Variants in CTNNBL1 observed in about 807,000 individuals in gnomAD.
CTNNBL1 encodes the protein beta-catenin-like protein 1.
Under a neutral mutation model 72.7 loss-of-function variants are expected in CTNNBL1, and 31 were observed. That is an observed-to-expected ratio of 0.43 (90% CI 0.32 to 0.58). CTNNBL1 has a LOEUF of 0.58. Among genes scored for constraint, CTNNBL1 ranks in the 20% least tolerant of loss-of-function variants. CTNNBL1 has a pLI of 0.08. For synonymous variants in CTNNBL1, 240 were observed against 267.3 expected, an observed-to-expected ratio of 0.90 and a Z score of 1.00; for missense variants, 534 against 725.1, an observed-to-expected ratio of 0.74 and a Z score of 3.03.
At chr20:37,745,248 T>TA (rs1182273159) in intron 3 of CTNNBL1, among the ~76,000 whole-genome samples, 4 of 152,200 alleles carry the variant, frequency 2.6e-5, no homozygotes, top group Non-Finnish European at 5.9e-5. Flanking sequence ...GGAGAAGCTG[T>TA]ATCTACCCAG....
chr20:37,842,021 C>T (rs1018517266), intron 12 of CTNNBL1, among the ~76,000 whole-genome samples: 1 of 152,182 alleles, frequency 6.6e-6, no homozygotes, highest in Non-Finnish European at 1.5e-5. Flanking sequence ...CAAGAAGGGA[C>T]TTGAATTTTT....
At chr20:37,867,914 C>A (rs1331908370) in intron 15 of CTNNBL1, among the ~76,000 whole-genome samples, 2 of 152,150 alleles carry the variant, frequency 1.3e-5, no homozygotes, top group African/African-American at 4.8e-5. Flanking sequence ...GGTGCAGCTT[C>A]CCCGGGCAGT....
At chr20:37,696,274 T>C (rs1391939290) in intron 1 of CTNNBL1, among the ~76,000 whole-genome samples, 1 of 152,142 alleles carries the variant, frequency 6.6e-6, no homozygotes, top group East Asian at 1.9e-4. Context: ...GAAGGGAATA[T>C]AGCAGAGTAT....
At chr20:37,712,960 G>A (rs111753378) in intron 1 of CTNNBL1, among the ~76,000 whole-genome samples, 131 of 152,254 alleles carry the variant, frequency 8.6e-4, no homozygotes, top group Middle Eastern at 3.4e-3. Flanking sequence ...AAGCACCACC[G>A]GACCTGGGCA....
intron 1 of CTNNBL1, among the ~76,000 whole-genome samples, chr20:37,694,633 T>C (rs754633244): frequency 4.6e-5 from 7 of 152,174 alleles, no homozygotes; most frequent in African/African-American, 7.2e-5. Flanking sequence ...ACTGCCTTAG[T>C]AGGGTTGTTT....
At chr20:37,814,381 G>A (rs533268099) in intron 11 of CTNNBL1, among the ~76,000 whole-genome samples, 1 of 152,140 alleles carries the variant, frequency 6.6e-6, no homozygotes, top group South Asian at 2.1e-4. Flanking sequence ...TGTGCCTCTT[G>A]TTGGCCTTCA....
intron 10 of CTNNBL1, among the ~76,000 whole-genome samples, chr20:37,786,514 C>G (rs560982819): frequency 6.6e-6 from 1 of 151,996 alleles, no homozygotes; most frequent in South Asian, 2.1e-4. Context: ...AGAACCAACT[C>G]TTGGTTTTGA....
chr20:37,733,073 G>A lies in CTNNBL1; in HGVS notation c.219+6G>A, dbSNP rs1285249076. 9 of 1,610,974 alleles carry A rather than the reference G, an allele frequency of 5.6e-6. No homozygotes were observed. The highest frequency in any genetic ancestry group is 2.2e-5 in the East Asian group (1 of 44,868). On this transcript the variant is annotated splice_donor_region_variant and intron_variant, in intron 2 of 15. Transcript: ENST00000361383. ...GGGAAGAGGAAGAGGAAGAGGTAAC[G>A]TGGCAGCGCTGGGTGGGAGCTGAGA...
intron 7 of CTNNBL1, among the ~76,000 whole-genome samples, chr20:37,777,054 G>A (rs2073579956): frequency 6.6e-6 from 1 of 152,022 alleles, no homozygotes; most frequent in East Asian, 1.9e-4. Context: ...GGGTACTATG[G>A]GCTAGACATA....
At chr20:37,777,620 ATT>A in intron 8 of CTNNBL1, 32 bp from the exon 9 acceptor site, 1 of 1,602,754 alleles carries the variant, frequency 6.2e-7, no homozygotes, top group Non-Finnish European at 8.5e-7. Flanking sequence ...AGTTAGGTTC[ATT>A]TTTTTTCTTC....
At chr20:37,798,789 C>T (rs760361229) in intron 10 of CTNNBL1, among the ~76,000 whole-genome samples, 5 of 152,128 alleles carry the variant, frequency 3.3e-5, no homozygotes, top group African/African-American at 7.2e-5. Flanking sequence ...ATGGTTTGAG[C>T]GTATGCTGAA....
At chr20:37,831,986 C>T (rs2072214067) in intron 11 of CTNNBL1, among the ~76,000 whole-genome samples, 1 of 152,232 alleles carries the variant, frequency 6.6e-6, no homozygotes, top group Non-Finnish European at 1.5e-5. Flanking sequence ...ACCATCTCTA[C>T]TTAGATGTGC....
chr20:37,802,812 TA>T (rs1192240219), intron 10 of CTNNBL1, 54 bp from the exon 11 acceptor site: 1 of 1,399,424 alleles, frequency 7.1e-7, no homozygotes, highest in Non-Finnish European at 9.9e-7. Context: ...TTTTTTTTTT[TA>T]AGCTCTATAA....
chr20:37,695,450 T>A (rs1424098945), intron 1 of CTNNBL1, among the ~76,000 whole-genome samples: 1 of 152,168 alleles, frequency 6.6e-6, no homozygotes, highest in East Asian at 1.9e-4. Flanking sequence ...CCACTTGGCC[T>A]CCCAAAGTGC....
At chr20:37,787,343 GTTTT>G (rs11482375) in intron 10 of CTNNBL1, among the ~76,000 whole-genome samples, 1 of 107,212 alleles carries the variant, frequency 9.3e-6, no homozygotes. Context: ...ATAACTGTGT[GTTTT>G]TTTTTTTTTT....
intron 1 of CTNNBL1, among the ~76,000 whole-genome samples, chr20:37,732,276 A>G (rs1419633888): frequency 6.6e-6 from 1 of 152,250 alleles, no homozygotes; most frequent in Non-Finnish European, 1.5e-5. Flanking sequence ...TCTGTAAAAT[A>G]GAATTGGGAG....
chr20:37,771,698 ATTT>A (rs571985474), intron 7 of CTNNBL1, among the ~76,000 whole-genome samples: 124 of 152,020 alleles, frequency 8.2e-4, no homozygotes, highest in Middle Eastern at 3.4e-3. Context: ...GTATTTCTAA[ATTT>A]TACACACCCT....
At chr20:37,791,001 G>A (rs942534291) in intron 10 of CTNNBL1, among the ~76,000 whole-genome samples, 16 of 152,152 alleles carry the variant, frequency 1.1e-4, no homozygotes, top group South Asian at 2.1e-4. Context: ...TTATGTAAAT[G>A]GAGTCATACA....
rs1224667945 is a variant in CTNNBL1 at position 37,737,305 on chromosome 20, C to G, written c.220-73C>G. 3.0e-6 allele frequency: 3 copies of G among 1,016,494 alleles called. No individual in the cohort carries two copies. In the South Asian group the frequency reaches 4.2e-5, roughly 14 times the overall value. The allele number at this position is 1,016,494 out of a possible 1,614,324, so 63.0% of individuals were successfully genotyped here. A position where few individuals can be genotyped will look rare whatever the true frequency, so the allele number is the denominator to read the frequency against. On this transcript the variant is annotated intron_variant, in intron 2 of 15. Transcript: ENST00000361383. Reference sequence around the variant, plus strand: ...GGCAGAGTGAGGTGGGGTATAAGAGCCACAGGAAAGTAGTGACAATGAATG... The same window carrying G: ...GGCAGAGTGAGGTGGGGTATAAGAGGCACAGGAAAGTAGTGACAATGAATG...
Sources: allele counts gnomAD v4.1 joint callset (sites outside exome capture counted in the v4.1 genomes callset), GRCh38; gene constraint gnomAD v4.1.1; transcripts MANE v1.5; gene names NCBI Gene and HGNC (gene_info 2026-07-23, HGNC 2026-07-21).